Variants in LRRC26 observed in about 807,000 individuals in gnomAD.
The protein encoded by LRRC26 is leucine rich repeat containing 26.
LRRC26 carries 17 observed loss-of-function variants against 15.3 expected under a neutral mutation model. The ratio of observed to expected loss-of-function variants is 1.11; its 90% CI spans 0.76 to 1.66. The LOEUF (loss-of-function observed/expected upper bound fraction) is 1.66, where lower values mean the gene tolerates loss of function less well. Among genes scored for constraint, LRRC26 ranks in the 40% most tolerant of loss-of-function variants. LRRC26 has a pLI of 0.00. For missense variants in LRRC26, 573 were observed against 501.0 expected, an observed-to-expected ratio of 1.14 and a Z score of -1.37; for synonymous variants, 301 against 272.1, an observed-to-expected ratio of 1.11 and a Z score of -1.05.
In LRRC26 at chr9:137,169,302, G is replaced by C; in HGVS notation, c.642C>G (p.Ala214=). The C allele has an allele frequency of 1.4e-6, 2 of 1,413,306 alleles. No homozygotes were observed. Among genetic ancestry groups the C allele is most frequent in the Non-Finnish European group, 1.8e-6 (2 of 1,091,238 alleles). 87.5% of individuals were successfully genotyped at this position (1,413,306 alleles called of 1,614,324 possible). Residue 214 remains alanine, a synonymous_variant, in exon 1 of 2, where the codon GCC becomes GCG. Transcript: ENST00000371542. The part of the protein sequence containing the change: ...GCGCALRPLC[A]WLRRHPLPAS... Reference sequence around the variant, plus strand: ...CGGGCAGCGGGTGCCGGCGCAGCCAGGCGCAGAGCGGGCGCAGCGCGCACC... The same window carrying C: ...CGGGCAGCGGGTGCCGGCGCAGCCACGCGCAGAGCGGGCGCAGCGCGCACC...
Position 137,169,353 on chromosome 9 carries a change from G to C in LRRC26, c.591C>G (p.His197Gln), listed in dbSNP as rs1834033966. The change falls in exon 1 of 2, where the codon CAC (histidine) becomes CAG (glutamine). Residue 197 changes from histidine (H) to glutamine (Q), a missense_variant. By Grantham distance (24) the His-to-Gln change is conservative. Coordinates refer to ENST00000371542, the MANE Select transcript of LRRC26 (RefSeq NM_001013653.3). ...LGRLPALDAL[H>Q]LRGNPWGCGC... is the part of the protein sequence containing the mutation. ...CGCAGCCCCAAGGGTTGCCGCGCAG[G>C]TGCAGCGCGTCTAGAGCGGGCAGGC... The C allele has an allele frequency of 6.8e-7, 1 of 1,470,042 alleles. No homozygotes were observed. Among genetic ancestry groups the C allele is most frequent in the Admixed American group, 2.5e-5 (1 of 39,580 alleles). The allele number at this position is 1,470,042 out of a possible 1,614,324, so 91.1% of individuals were successfully genotyped here.
chr9:137,169,697 C>CGCGGTTGT lies in LRRC26; in HGVS notation c.239_246dup (p.Val83ThrfsTer47). On this transcript the variant is annotated frameshift_variant, in exon 1 of 2. Transcript: ENST00000371542. LOFTEE classifies it high-confidence loss of function. ...AAGGCACCTGGCGGCAGCGCACGGA[C>CGCGGTTGT]GCGGTTGTGGTCCAGCAGCAGCGCG... The CGCGGTTGT allele has an allele frequency of 1.3e-6, 2 of 1,494,416 alleles. No homozygotes were observed. Among genetic ancestry groups the CGCGGTTGT allele is most frequent in the Non-Finnish European group, 1.8e-6 (2 of 1,129,274 alleles). 92.6% of individuals were successfully genotyped at this position (1,494,416 alleles called of 1,614,324 possible).
In LRRC26 at chr9:137,170,049, A is replaced by G. The variant is rs1588750423; in HGVS notation, c.-106T>C. On this transcript the variant is annotated 5_prime_UTR_variant, in exon 1 of 2. Transcript: ENST00000371542. ...CCGTTCCTGCGGCGCCTGCACAAAT[A>G]TTAACTCTCTGGCCCGAGCTCAGGC... 1 of 1,271,124 alleles carries G rather than the reference A, an allele frequency of 7.9e-7. No homozygotes were observed. The allele number at this position is 1,271,124 out of a possible 1,614,324, so 78.7% of individuals were successfully genotyped here. A position where few individuals can be genotyped will look rare whatever the true frequency, so the allele number is the denominator to read the frequency against.
In LRRC26 at chr9:137,168,907, C is replaced by T. The variant is rs1480589366; in HGVS notation, c.952G>A (p.Gly318Ser). 1.5e-6 allele frequency: 2 copies of T among 1,321,908 alleles called. No individual in the cohort carries two copies. The highest frequency in any genetic ancestry group is 1.9e-6 in the Non-Finnish European group (2 of 1,042,168). 81.9% of individuals were successfully genotyped at this position (1,321,908 alleles called of 1,614,324 possible). A position where few individuals can be genotyped will look rare whatever the true frequency, so the allele number is the denominator to read the frequency against. Residue 318 changes from glycine to serine, a missense_variant, in exon 2 of 2, where the codon GGC (glycine) becomes AGC (serine). By Grantham distance (56) the Gly-to-Ser change is moderately conservative. Coordinates refer to ENST00000371542, the MANE Select transcript of LRRC26 (RefSeq NM_001013653.3). ...CCCGGGTCCGCGGGCGAGGCACAGC[C>T]GTGGGGGTCGGGATCGGGGTTCGGG... ...PDPNPDPDPHGCASPADPGSP... is the reference protein window; with the variant it reads ...PDPNPDPDPHSCASPADPGSP...
chr9:137,168,894 G>A lies in LRRC26; in HGVS notation c.965C>T (p.Pro322Leu), dbSNP rs1318902553. The change falls in exon 2 of 2, where the codon CCC becomes CTC. Residue 322 changes from proline to leucine, a missense_variant. By Grantham distance (98) the Pro-to-Leu change is moderately conservative. Coordinates refer to ENST00000371542, the MANE Select transcript of LRRC26 (RefSeq NM_001013653.3). ...AGCGGCGGGGCTCCCCGGGTCCGCGGGCGAGGCACAGCCGTGGGGGTCGGG... is the reference window on the plus strand; with the variant it reads ...AGCGGCGGGGCTCCCCGGGTCCGCGAGCGAGGCACAGCCGTGGGGGTCGGG... ...PDPDPHGCAS[P>L]ADPGSPAAAA... The A allele has an allele frequency of 3.9e-6, 5 of 1,268,898 alleles. No homozygotes were observed. The highest frequency in any genetic ancestry group is 1.5e-5 in the African/African-American group (1 of 64,544). 78.6% of individuals were successfully genotyped at this position (1,268,898 alleles called of 1,614,324 possible).
Position 137,169,886 on chromosome 9 carries a change from ACAG to A in LRRC26, c.55_57del (p.Leu19del), listed in dbSNP as rs1210769788. 2.7e-6 allele frequency: 4 copies of A among 1,481,472 alleles called. No homozygotes were observed. Among genetic ancestry groups the A allele is most frequent in the Admixed American group, 2.4e-5 (1 of 42,328 alleles). The allele number at this position is 1,481,472 out of a possible 1,614,324, so 91.8% of individuals were successfully genotyped here. On this transcript the variant is annotated inframe_deletion, in exon 1 of 2. Transcript: ENST00000371542. Reference sequence around the variant, plus strand: ...ACCTGGGCCCAGACAGGCCAAGGCGACAGCAGCAGCAACAGCAGCAGCAGCGGC... The same window carrying A: ...ACCTGGGCCCAGACAGGCCAAGGCGACAGCAGCAACAGCAGCAGCAGCGGC...
chr9:137,169,358 G>A lies in LRRC26; in HGVS notation c.586C>T (p.Leu196=). The change falls in exon 1 of 2, where the codon CTG becomes TTG. Residue 196 remains leucine, a synonymous_variant. Transcript: ENST00000371542. ...CCCCAAGGGTTGCCGCGCAGGTGCA[G>A]CGCGTCTAGAGCGGGCAGGCGGCCC... ...LLGRLPALDA[L]HLRGNPWGCG... 6.8e-7 allele frequency: 1 copy of A among 1,472,698 alleles called. No homozygotes were observed. 91.2% of individuals were successfully genotyped at this position (1,472,698 alleles called of 1,614,324 possible).
chr9:137,169,720 G>T lies in LRRC26; in HGVS notation c.224C>A (p.Ala75Glu). 6.8e-7 allele frequency: 1 copy of T among 1,463,616 alleles called. No individual in the cohort carries two copies. Among genetic ancestry groups the T allele is most frequent in the Non-Finnish European group, 9.0e-7 (1 of 1,116,414 alleles). 90.7% of individuals were successfully genotyped at this position (1,463,616 alleles called of 1,614,324 possible). Residue 75 changes from alanine (A) to glutamate (E), a missense_variant, in exon 1 of 2, where the codon GCG (alanine) becomes GAG (glutamate). Coordinates refer to ENST00000371542, the MANE Select transcript of LRRC26 (RefSeq NM_001013653.3). ...GACGCGGTTGTGGTCCAGCAGCAGC[G>T]CGCGCAGGCGCAGGCTCAGGCCCGG... ...VPPGLSLRLR[A>E]LLLDHNRVRA...
rs145347572 is a variant in LRRC26 at position 137,169,286 on chromosome 9, G to A, written c.658C>T (p.Pro220Ser). The A allele has an allele frequency of 7.3e-4, 1,008 of 1,383,818 alleles. 5 individuals are homozygous for A. In the African/African-American group the frequency reaches 0.012, roughly 17 times the overall value. 85.7% of individuals were successfully genotyped at this position (1,383,818 alleles called of 1,614,324 possible). The change falls in exon 1 of 2, where the codon CCG becomes TCG. Residue 220 changes from proline (P) to serine (S), a missense_variant. Physicochemically the swap from Pro to Ser is moderately conservative, Grantham distance 74. Coordinates refer to ENST00000371542, the MANE Select transcript of LRRC26 (RefSeq NM_001013653.3). The part of the protein sequence containing the change: ...RPLCAWLRRH[P>S]LPASEAETVL... ...AGCAGCTCACCTGACGCGGGCAGCGGGTGCCGGCGCAGCCAGGCGCAGAGC... is the reference window on the plus strand; with the variant it reads ...AGCAGCTCACCTGACGCGGGCAGCGAGTGCCGGCGCAGCCAGGCGCAGAGC...
At position 137,169,194 on chromosome 9, in the gene LRRC26, CACAG is replaced by C; in HGVS notation, c.674-13_674-10del. 2.8e-6 allele frequency: 4 copies of C among 1,447,794 alleles called. No individual in the cohort carries two copies. Among genetic ancestry groups the C allele is most frequent in the Admixed American group, 2.6e-5 (1 of 37,964 alleles). 89.7% of individuals were successfully genotyped at this position (1,447,794 alleles called of 1,614,324 possible). A position where few individuals can be genotyped will look rare whatever the true frequency, so the allele number is the denominator to read the frequency against. On this transcript the variant is annotated splice_polypyrimidine_tract_variant and intron_variant, in intron 1 of 1. Coordinates refer to ENST00000371542, the MANE Select transcript of LRRC26 (RefSeq NM_001013653.3). The stretch of plus-strand genomic sequence containing the variant: ...GAGCACCGTCTCGGCCTCTGTGGGA[CACAG>C]ACAAAGGCGCGGCGTCAGGTGGCGG...
intron 1 of LRRC26, 43 bp from the exon 2 acceptor site, chr9:137,169,228 C>T (rs1485609164): frequency 2.2e-6 from 3 of 1,389,126 alleles, no homozygotes; most frequent in Non-Finnish European, 2.8e-6. Context: ...TGGCGGCTGC[C>T]GCACCGCCCT....
Position 137,169,885 on chromosome 9 carries a change from G to T in LRRC26, c.59C>A (p.Ser20Ter). The T allele has an allele frequency of 6.7e-7, 1 of 1,481,492 alleles. No individual in the cohort carries two copies. Among genetic ancestry groups the T allele is most frequent in the South Asian group, 1.3e-5 (1 of 78,584 alleles). 91.8% of individuals were successfully genotyped at this position (1,481,492 alleles called of 1,614,324 possible). A position where few individuals can be genotyped will look rare whatever the true frequency, so the allele number is the denominator to read the frequency against. Residue 20 changes from serine (S) to a stop codon, truncating the protein, a stop_gained, in exon 1 of 2, where the codon TCG becomes TAG. Coordinates refer to ENST00000371542, the MANE Select transcript of LRRC26 (RefSeq NM_001013653.3). LOFTEE classifies it high-confidence loss of function. ...CACCTGGGCCCAGACAGGCCAAGGC[G>T]ACAGCAGCAGCAACAGCAGCAGCAG... is the stretch of plus-strand genomic sequence containing the variant. ...RPLLLLLLLLSPWPVWAQVSA... is the reference protein window; with the variant it reads ...RPLLLLLLLL
chr9:137,169,406 C>T lies in LRRC26; in HGVS notation c.538G>A (p.Ala180Thr). Residue 180 changes from alanine (A) to threonine (T), a missense_variant, in exon 1 of 2, where the codon GCG becomes ACG. Transcript: ENST00000371542. ...RSLSLQDNEL[A>T]ALAPGLLGRL... is the part of the protein sequence containing the mutation. The stretch of plus-strand genomic sequence containing the variant: ...CCCAGCAGCCCCGGCGCGAGTGCCG[C>T]CAGCTCGTTGTCCTGCAGGCTGAGT... The T allele has an allele frequency of 6.6e-7, 1 of 1,507,102 alleles. No individual in the cohort carries two copies. Among genetic ancestry groups the T allele is most frequent in the South Asian group, 1.2e-5 (1 of 80,748 alleles). 93.4% of individuals were successfully genotyped at this position (1,507,102 alleles called of 1,614,324 possible).
rs752944999 is a variant in LRRC26, at chr9:137,169,399, A to C, written c.545T>G (p.Leu182Arg). The C allele has an allele frequency of 6.6e-7, 1 of 1,503,924 alleles. No homozygotes were observed. The highest frequency in any genetic ancestry group is 2.3e-4 in the Middle Eastern group (1 of 4,378). The allele number at this position is 1,503,924 out of a possible 1,614,324, so 93.2% of individuals were successfully genotyped here. ...LSLQDNELAA[L>R]APGLLGRLPA... ...CAGGCGGCCCAGCAGCCCCGGCGCG[A>C]GTGCCGCCAGCTCGTTGTCCTGCAG... Residue 182 changes from leucine to arginine, a missense_variant, in exon 1 of 2, where the codon CTC (leucine) becomes CGC (arginine). Coordinates refer to ENST00000371542, the MANE Select transcript of LRRC26 (RefSeq NM_001013653.3).
At position 137,168,889 on chromosome 9, in the gene LRRC26, C is replaced by A. The variant is rs893446068; in HGVS notation, c.970G>T (p.Asp324Tyr). ...PDPHGCASPA[D>Y]PGSPAAAAQA ...GCGGCAGCGGCGGGGCTCCCCGGGT[C>A]CGCGGGCGAGGCACAGCCGTGGGGG... Residue 324 changes from aspartate (D) to tyrosine (Y), a missense_variant, in exon 2 of 2, where the codon GAC becomes TAC. Transcript: ENST00000371542. 1.6e-6 allele frequency: 2 copies of A among 1,262,808 alleles called. No homozygotes were observed. The highest frequency in any genetic ancestry group is 3.1e-5 in the African/African-American group (2 of 64,344). The allele number at this position is 1,262,808 out of a possible 1,614,324, so 78.2% of individuals were successfully genotyped here.
rs1472666195 is a variant in LRRC26 at position 137,169,865 on chromosome 9, G to T, written c.79C>A (p.Gln27Lys). 1 of 1,477,740 alleles carries T rather than the reference G, an allele frequency of 6.8e-7. No individual in the cohort carries two copies. The highest frequency in any genetic ancestry group is 2.9e-5 in the East Asian group (1 of 34,324). The allele number at this position is 1,477,740 out of a possible 1,614,324, so 91.5% of individuals were successfully genotyped here. A position where few individuals can be genotyped will look rare whatever the true frequency, so the allele number is the denominator to read the frequency against. The change falls in exon 1 of 2, where the codon CAG (glutamine) becomes AAG (lysine). Residue 27 changes from glutamine to lysine, a missense_variant. Gln to Lys is a moderately conservative substitution (Grantham distance 53). Transcript: ENST00000371542. ...LLLSPWPVWA[Q>K]VSATASPSGS... ...GAGGGCGAGGCCGTGGCCGACACCT[G>T]GGCCCAGACAGGCCAAGGCGACAGC...
chr9:137,169,866 G>A lies in LRRC26; in HGVS notation c.78C>T (p.Ala26=). The A allele has an allele frequency of 2.0e-6, 3 of 1,481,256 alleles. No homozygotes were observed. Among genetic ancestry groups the A allele is most frequent in the South Asian group, 1.3e-5 (1 of 78,528 alleles). 91.8% of individuals were successfully genotyped at this position (1,481,256 alleles called of 1,614,324 possible). The stretch of plus-strand genomic sequence containing the variant: ...AGGGCGAGGCCGTGGCCGACACCTG[G>A]GCCCAGACAGGCCAAGGCGACAGCA... ...LLLLSPWPVW[A]QVSATASPSG... Residue 26 remains alanine, a synonymous_variant, in exon 1 of 2, where the codon GCC becomes GCT. Coordinates refer to ENST00000371542, the MANE Select transcript of LRRC26 (RefSeq NM_001013653.3).
rs769312856 is a variant in LRRC26 at position 137,169,439 on chromosome 9, G to A, written c.505C>T (p.Leu169=). 2 of 1,516,652 alleles carry A rather than the reference G, an allele frequency of 1.3e-6. No individual in the cohort carries two copies. The highest frequency in any genetic ancestry group is 1.8e-6 in the Non-Finnish European group (2 of 1,141,474). 93.9% of individuals were successfully genotyped at this position (1,516,652 alleles called of 1,614,324 possible). A position where few individuals can be genotyped will look rare whatever the true frequency, so the allele number is the denominator to read the frequency against. ...TTGTCCTGCAGGCTGAGTGAGCGCA[G>A]CAGCGGGAGCGCGCCTAGCGCCGCG... The part of the protein sequence containing the change: ...EPAALGALPL[L]RSLSLQDNEL... The change falls in exon 1 of 2, where the codon CTG becomes TTG. Residue 169 remains leucine (L), a synonymous_variant. Transcript: ENST00000371542.
In LRRC26 at chr9:137,169,820, CCGG is replaced by C. The variant is rs1173138291; in HGVS notation, c.121_123del (p.Pro41del). On this transcript the variant is annotated inframe_deletion, in exon 1 of 2. Transcript: ENST00000371542. The stretch of plus-strand genomic sequence containing the variant: ...ACGCACGTGCACACCTCGGGGCAGT[CCGG>C]GGCGCCCAGGGACCCCGAGGGCGAG... 1.2e-5 allele frequency: 17 copies of C among 1,436,192 alleles called. No homozygotes were observed. In the Admixed American group the frequency reaches 2.8e-4, roughly 24 times the overall value. 89.0% of individuals were successfully genotyped at this position (1,436,192 alleles called of 1,614,324 possible).
Sources: gnomAD v4.1 joint callset for allele counts on GRCh38, gnomAD v4.1.1 for gene constraint, MANE v1.5 for transcripts, NCBI Gene and HGNC (gene_info 2026-07-23, HGNC 2026-07-21) for gene names.